The following KCTD16 variants were observed in gnomAD, a reference collection of about 807,000 sequenced individuals.
The protein encoded by KCTD16 is potassium channel tetramerization domain containing 16, also known as BTB/POZ domain-containing protein KCTD16.
A neutral mutation model predicts 33.2 loss-of-function variants in KCTD16; 13 were observed. The observed-to-expected ratio is 0.39, with a 90% confidence interval of 0.25 to 0.62. KCTD16 has a LOEUF of 0.62. KCTD16 is among the 20% of genes least tolerant of loss of function. KCTD16 has a pLI of 0.50. For missense variants in KCTD16, 441 were observed against 525.1 expected (o/e 0.84, Z 1.57); for synonymous variants, 197 against 195.3 (o/e 1.01, Z -0.07).
intron 3 of KCTD16, among the ~76,000 whole-genome samples, chr5:144,216,427 A>ATTAT (rs1443468165): frequency 6.6e-6 from 1 of 152,202 alleles, no homozygotes; most frequent in African/African-American, 2.4e-5. Context: ...AAGTTATAAT[A>ATTAT]ATTTCCTCAG....
chr5:144,319,347 C>G (rs774075593), intron 3 of KCTD16, among the ~76,000 whole-genome samples: 1 of 152,166 alleles, frequency 6.6e-6, no homozygotes, highest in Non-Finnish European at 1.5e-5. Flanking sequence ...CTCTCTGCTA[C>G]CAAACCCATG....
At position 144,266,761 on chromosome 5, in the gene KCTD16, A is replaced by G. The variant is rs185286432; in HGVS notation, c.832+59215A>G. 1.8e-4 allele frequency among the ~76,000 whole-genome samples: 28 copies of G among 151,398 alleles called. No individual in the cohort carries two copies. In the Middle Eastern group the frequency reaches 0.01, roughly 55 times the overall value. On this transcript the variant is annotated intron_variant, in intron 3 of 3. Coordinates refer to ENST00000512467, the MANE Select transcript of KCTD16 (RefSeq NM_020768.4). The stretch of plus-strand genomic sequence containing the variant: ...CAATGTGCACAAAGTATATGAACCC[A>G]GCTAATCACACAAGATTTCTATTTT...
At chr5:144,436,618 G>A (rs901547655) in intron 3 of KCTD16, among the ~76,000 whole-genome samples, 24 of 148,686 alleles carry the variant, frequency 1.6e-4, no homozygotes, top group Middle Eastern at 3.5e-3. Context: ...ACGGAGTATC[G>A]CTCTTGTCAC....
intron 3 of KCTD16, among the ~76,000 whole-genome samples, chr5:144,456,188 C>A (rs1297752614): frequency 7.2e-6 from 1 of 138,942 alleles, no homozygotes; most frequent in Admixed American, 7.3e-5. Context: ...TATATATTTT[C>A]TGTCTCCCCT....
chr5:144,411,918 TA>T lies in KCTD16; in HGVS notation c.833-61735del, dbSNP rs754785277. ...TACAAATGGCCAGCACAGGTATATATAAAAAAATTGCCAAATCATGAATCAT... is the reference window on the plus strand; with the variant it reads ...TACAAATGGCCAGCACAGGTATATATAAAAAATTGCCAAATCATGAATCAT... On this transcript the variant is annotated intron_variant, in intron 3 of 3. Transcript: ENST00000512467. Among the ~76,000 whole-genome samples, 4 of 152,132 alleles carry T rather than the reference TA, an allele frequency of 2.6e-5. No individual in the cohort carries two copies. The East Asian group carries it at 5.8e-4, about 22-fold the overall frequency.
intron 3 of KCTD16, among the ~76,000 whole-genome samples, chr5:144,459,824 CTTTTTTTTTTTT>C (rs70995051): frequency 2.7e-4 from 18 of 66,770 alleles, no homozygotes; most frequent in African/African-American, 9.9e-4. Flanking sequence ...CCAATATCAT[CTTTTTTTTTTTT>C]TTTTTTTTTT....
At chr5:144,337,509 G>T (rs910801023) in intron 3 of KCTD16, among the ~76,000 whole-genome samples, 3 of 152,066 alleles carry the variant, frequency 2.0e-5, no homozygotes, top group East Asian at 1.9e-4. Context: ...ATTTTTCCAA[G>T]AATTTACTTA....
intron 3 of KCTD16, among the ~76,000 whole-genome samples, chr5:144,430,114 C>G (rs936253464): frequency 6.6e-6 from 1 of 152,068 alleles, no homozygotes; most frequent in Admixed American, 6.6e-5. Context: ...GGCATCGTAC[C>G]TGTGTAAGCC....
At chr5:144,424,867 G>A (rs752586626) in intron 3 of KCTD16, among the ~76,000 whole-genome samples, 1 of 152,100 alleles carries the variant, frequency 6.6e-6, no homozygotes, top group Non-Finnish European at 1.5e-5. Context: ...AGTCACAATG[G>A]CAATTAAATT....
chr5:144,425,197 G>T (rs968745402), intron 3 of KCTD16, among the ~76,000 whole-genome samples: 7 of 152,160 alleles, frequency 4.6e-5, no homozygotes, highest in African/African-American at 1.7e-4. Flanking sequence ...TAGGCAAGAA[G>T]AAAGAGGTAA....
rs558216643 is a variant in KCTD16 at position 144,359,101 on chromosome 5, A to G, written c.833-114559A>G. On this transcript the variant is annotated intron_variant, in intron 3 of 3. Transcript: ENST00000512467. ...CCACTCCCTTATTTTTCAAATGAGA[A>G]AAGACTGACGACGCAGTCATACCCA... Among the ~76,000 whole-genome samples the G allele has an allele frequency of 3.9e-5, 6 of 152,282 alleles. No individual in the cohort carries two copies. The South Asian group carries it at 1.2e-3, about 32-fold the overall frequency.
intron 3 of KCTD16, among the ~76,000 whole-genome samples, chr5:144,417,082 A>G (rs1753072160): frequency 6.6e-6 from 1 of 152,190 alleles, no homozygotes. Flanking sequence ...TGCTATCATC[A>G]TGCTTGAACA....
chr5:144,396,475 C>T (rs936427732), intron 3 of KCTD16, among the ~76,000 whole-genome samples: 5 of 152,068 alleles, frequency 3.3e-5, no homozygotes, highest in East Asian at 1.9e-4. Context: ...GAATAAAACT[C>T]GGAACATATT....
intron 3 of KCTD16, among the ~76,000 whole-genome samples, chr5:144,418,511 C>G (rs902121295): frequency 6.6e-6 from 1 of 152,160 alleles, no homozygotes; most frequent in Non-Finnish European, 1.5e-5. Context: ...TTTAGCTAGA[C>G]AGAAAAGTTC....
At chr5:144,385,756 CA>C (rs1184440590) in intron 3 of KCTD16, among the ~76,000 whole-genome samples, 3 of 152,164 alleles carry the variant, frequency 2.0e-5, no homozygotes, top group Non-Finnish European at 4.4e-5. Flanking sequence ...GCTCATGCTG[CA>C]CAGATATGTT....
intron 3 of KCTD16, among the ~76,000 whole-genome samples, chr5:144,395,860 A>G (rs1752556995): frequency 6.6e-6 from 1 of 152,170 alleles, no homozygotes; most frequent in African/African-American, 2.4e-5. Context: ...GTCAGCCTCT[A>G]CATCAGGTGT....
Position 144,483,618 on chromosome 5 carries a change from T to C in KCTD16, c.*9504T>C, listed in dbSNP as rs1754747523. 2.6e-5 allele frequency: 4 copies of C among 152,000 alleles called. No homozygotes were observed. 9.4% of individuals were successfully genotyped at this position (152,000 alleles called of 1,614,324 possible). A position where few individuals can be genotyped will look rare whatever the true frequency, so the allele number is the denominator to read the frequency against. ...CCAAATTAACGAATTTTGGCCATCT[T>C]AAGAATACAGTAAGTTGTGTACTCA... is the stretch of plus-strand genomic sequence containing the variant. On this transcript the variant is annotated 3_prime_UTR_variant, in exon 4 of 4. Coordinates refer to ENST00000512467, the MANE Select transcript of KCTD16 (RefSeq NM_020768.4).
chr5:144,371,660 G>T (rs894559075), intron 3 of KCTD16, among the ~76,000 whole-genome samples: 2 of 151,936 alleles, frequency 1.3e-5, no homozygotes, highest in African/African-American at 4.8e-5. Context: ...TTTAGGTTAG[G>T]TTCTGTGGCA....
chr5:144,261,622 A>C (rs1320518257), intron 3 of KCTD16, among the ~76,000 whole-genome samples: 3 of 152,268 alleles, frequency 2.0e-5, no homozygotes, highest in African/African-American at 7.2e-5. Context: ...ATTCAAGGTC[A>C]CCTGAGAAGT....
Sources: gnomAD v4.1 joint callset for allele counts (sites outside exome capture counted in the v4.1 genomes callset) on GRCh38, gnomAD v4.1.1 for gene constraint, MANE v1.5 for transcripts, NCBI Gene and HGNC (gene_info 2026-07-23, HGNC 2026-07-21) for gene names.